Variants in ZFP69 observed in about 807,000 individuals in gnomAD.
The protein encoded by ZFP69 is zinc finger protein 69 homolog.
A neutral mutation model predicts 48.9 loss-of-function variants in ZFP69; 35 were observed. The ratio of observed to expected loss-of-function variants is 0.72; its 90% confidence interval spans 0.55 to 0.95. The LOEUF is 0.95. ZFP69 is among the 40% of genes least tolerant of loss of function. ZFP69 has a pLI of 0.00. For missense variants in ZFP69, 557 were observed against 638.4 expected, an observed-to-expected ratio of 0.87 and a Z score of 1.37; for synonymous variants, 193 against 216.8, an observed-to-expected ratio of 0.89 and a Z score of 0.96.
intron 3 of ZFP69, 43 bp downstream of exon 3, chr1:40,481,897 GT>G: frequency 6.7e-7 from 1 of 1,488,180 alleles, no homozygotes; most frequent in South Asian, 1.2e-5. Flanking sequence ...TGCTTCTCCT[GT>G]TTTTAGGGTA....
chr1:40,491,700 C>T (rs1379404391), intron 5 of ZFP69, among the ~76,000 whole-genome samples: 1 of 151,688 alleles, frequency 6.6e-6, no homozygotes, highest in Non-Finnish European at 1.5e-5. Flanking sequence ...CTGTTTATAT[C>T]CCTTGCCAAT....
At chr1:40,486,441 TCCTCCCTCCCTCCATC>T (rs1306001356) in intron 3 of ZFP69, among the ~76,000 whole-genome samples, 1 of 97,252 alleles carries the variant, frequency 1.0e-5, no homozygotes, top group Admixed American at 1.0e-4. Context: ...TTCCTTCCCT[TCCTCCCTCCCTCCATC>T]CCTCCCTCCC....
chr1:40,493,624 GCTT>G (rs34527095), intron 5 of ZFP69: 60,933 of 151,644 alleles, frequency 0.4, 13,020 homozygotes, highest in South Asian at 0.52. Context: ...TGCATAAATG[GCTT>G]CTTTTCTTTT....
chr1:40,477,610 AC>A lies in ZFP69; in HGVS notation c.-608del, dbSNP rs1372435184. 6.6e-6 allele frequency: 1 copy of A among 151,922 alleles called. No individual in the cohort carries two copies. Among genetic ancestry groups the A allele is most frequent in the Non-Finnish European group, 1.5e-5 (1 of 67,970 alleles). 9.4% of individuals were successfully genotyped at this position (151,922 alleles called of 1,614,324 possible). Reference sequence around the variant, plus strand: ...CCTGGGGGCGCTGCTGGGAAAGCCCACCCGCCTGGGCGGGCCCTTGATGGGA... The same window carrying A: ...CCTGGGGGCGCTGCTGGGAAAGCCCACCGCCTGGGCGGGCCCTTGATGGGA... On this transcript the variant is annotated 5_prime_UTR_variant, in exon 1 of 6. Transcript: ENST00000372706. The surrounding 1 kb of genome is among the most constrained non-coding windows in gnomAD (Gnocchi z 4.0).
intron 3 of ZFP69, among the ~76,000 whole-genome samples, chr1:40,482,584 G>A (rs779622715): frequency 1.2e-4 from 18 of 152,130 alleles, no homozygotes; most frequent in Non-Finnish European, 2.2e-4. Context: ...CATTTGTCTA[G>A]TTGCTCAGTG....
chr1:40,479,488 G>T lies in ZFP69; in HGVS notation c.127G>T (p.Ala43Ser), dbSNP rs969927710. The change falls in exon 2 of 6, where the codon GCT becomes TCT. Residue 43 changes from alanine (A) to serine (S), a missense_variant and splice_region_variant. Physicochemically the swap from Ala to Ser is moderately conservative, Grantham distance 99. Transcript: ENST00000372706. ...EDVTKMFEGE[A>S]LLSQDAEDVK... Reference sequence around the variant, plus strand: ...TGTGACTAAAATGTTTGAAGGAGAAGGTGAGAATGGACTGATGGAGGGGGA... The same window carrying T: ...TGTGACTAAAATGTTTGAAGGAGAATGTGAGAATGGACTGATGGAGGGGGA... 1 of 1,611,738 alleles carries T rather than the reference G, an allele frequency of 6.2e-7. No homozygotes were observed. Among genetic ancestry groups the T allele is most frequent in the African/African-American group, 1.3e-5 (1 of 74,996 alleles).
intron 5 of ZFP69, among the ~76,000 whole-genome samples, chr1:40,489,999 A>T (rs902284312): frequency 6.6e-6 from 1 of 150,880 alleles, no homozygotes; most frequent in East Asian, 2.0e-4. Context: ...CCTCCCGAGT[A>T]GCTGGGACTA....
intron 4 of ZFP69, 22 bp from the exon 5 acceptor site, chr1:40,489,507 G>T: frequency 6.3e-7 from 1 of 1,586,872 alleles, no homozygotes; most frequent in Non-Finnish European, 8.6e-7. Flanking sequence ...CATTCACACT[G>T]TTTTTTTTAC....
At position 40,489,536 on chromosome 1, in the gene ZFP69, A is replaced by G. The variant is rs1349964383; in HGVS notation, c.354A>G (p.Gln118=). ...TTTTTACTACATAAGCAGGATATCA[A>G]CTTTCCAAACCTAGTGTGATATCCC... is the stretch of plus-strand genomic sequence containing the variant. ...NYSNLVSVGY[Q]LSKPSVISQL... Residue 118 remains glutamine (Q), a synonymous_variant, in exon 5 of 6, where the codon CAA becomes CAG. Transcript: ENST00000372706. 1.9e-6 allele frequency: 3 copies of G among 1,610,720 alleles called. No homozygotes were observed. The highest frequency in any genetic ancestry group is 2.5e-6 in the Non-Finnish European group (3 of 1,179,070).
intron 3 of ZFP69, among the ~76,000 whole-genome samples, chr1:40,484,816 C>T (rs576033200): frequency 1.4e-5 from 2 of 145,974 alleles, no homozygotes; most frequent in East Asian, 4.2e-4. Flanking sequence ...CTCCTGACCT[C>T]GTGATCCGCC....
At chr1:40,492,279 T>G (rs1320716685) in intron 5 of ZFP69, among the ~76,000 whole-genome samples, 1 of 152,210 alleles carries the variant, frequency 6.6e-6, no homozygotes, top group Non-Finnish European at 1.5e-5. Context: ...TCATCTGGAA[T>G]TTATTTTATA....
intron 3 of ZFP69, among the ~76,000 whole-genome samples, chr1:40,486,592 TA>T (rs1645502655): frequency 9.2e-6 from 1 of 109,276 alleles, no homozygotes. Context: ...CTAATTTTTG[TA>T]TTTTTTTTTG....
chr1:40,480,440 AT>A (rs1438137944), intron 2 of ZFP69, among the ~76,000 whole-genome samples: 1 of 151,832 alleles, frequency 6.6e-6, no homozygotes, highest in Non-Finnish European at 1.5e-5. Flanking sequence ...TAATTTTTGC[AT>A]TGCTTTTTAC....
At chr1:40,484,866 C>T (rs1284260539) in intron 3 of ZFP69, among the ~76,000 whole-genome samples, 1 of 148,232 alleles carries the variant, frequency 6.7e-6, no homozygotes, top group Non-Finnish European at 1.5e-5. Flanking sequence ...CAGGCATGAG[C>T]CACTGCGCCT....
In ZFP69 at chr1:40,494,308, G is replaced by A. The variant is rs867263431; in HGVS notation, c.443-613G>A. Among the ~76,000 whole-genome samples, 322 of 113,120 alleles carry A rather than the reference G, an allele frequency of 2.8e-3. 2 individuals carry two copies. The highest frequency in any genetic ancestry group is 9.3e-3 in the African/African-American group (272 of 29,228). The allele number at this position is 113,120 out of a possible 152,430, so 74.2% of individuals were successfully genotyped here. On this transcript the variant is annotated intron_variant, in intron 5 of 5. Transcript: ENST00000372706. ...TTTTGAGACGGAGTCTCGCTCTGTC[G>A]CCCAGGCTGGAGTGCAGTGGCGGGA...
At chr1:40,487,586 ATAAAC>A (rs1157252123) in intron 3 of ZFP69, among the ~76,000 whole-genome samples, 4 of 152,342 alleles carry the variant, frequency 2.6e-5, no homozygotes, top group Admixed American at 6.5e-5. Flanking sequence ...ACTGCATAAA[ATAAAC>A]TATAGTACAC....
intron 5 of ZFP69, among the ~76,000 whole-genome samples, chr1:40,490,355 C>T (rs574196600): frequency 6.6e-6 from 1 of 152,228 alleles, no homozygotes; most frequent in East Asian, 1.9e-4. Context: ...ACCAAATCAC[C>T]AAGGCAGATG....
intron 5 of ZFP69, among the ~76,000 whole-genome samples, chr1:40,490,588 C>T (rs1431052662): frequency 1.3e-5 from 2 of 152,192 alleles, no homozygotes; most frequent in Non-Finnish European, 2.9e-5. Context: ...GGCTGCCAAT[C>T]TAAAGCTTTC....
At position 40,489,636 on chromosome 1, in the gene ZFP69, T is replaced by G; in HGVS notation, c.442+12T>G. ...AGATCCCAGTTCAGGTGAGACCAAG[T>G]GTGTTAGTCTGTTTTTGTGTTGCTA... On this transcript the variant is annotated intron_variant, in intron 5 of 5. Coordinates refer to ENST00000372706, the MANE Select transcript of ZFP69 (RefSeq NM_001320179.2). 1 of 1,578,920 alleles carries G rather than the reference T, an allele frequency of 6.3e-7. No homozygotes were observed. The highest frequency in any genetic ancestry group is 8.6e-7 in the Non-Finnish European group (1 of 1,161,372).
Sources: allele counts gnomAD v4.1 joint callset (sites outside exome capture counted in the v4.1 genomes callset), GRCh38; gene constraint gnomAD v4.1.1; non-coding constraint Gnocchi (gnomAD v3.1); transcripts MANE v1.5; gene names NCBI Gene and HGNC (gene_info 2026-07-23, HGNC 2026-07-21).